Variants in ZFPM1 observed in about 807,000 individuals in gnomAD.
ZFPM1 encodes the protein zinc finger protein, FOG family member 1.
In ZFPM1, 28 loss-of-function variants were observed where a neutral mutation model predicts 46.3. That is an observed-to-expected ratio of 0.60 (90% CI 0.45 to 0.83). The LOEUF (loss-of-function observed/expected upper bound fraction) is 0.83. ZFPM1 is among the 40% of genes least tolerant of loss of function. The pLI is 0.00. For synonymous variants in ZFPM1, 957 were observed against 675.9 expected (o/e 1.42, Z -6.45); for missense variants, 1,878 against 1,432.4 (o/e 1.31, Z -5.02).
At chr16:88,526,749 C>G in intron 4 of ZFPM1, 65 bp from the exon 5 acceptor site, 1 of 1,512,762 alleles carries the variant, frequency 6.6e-7, no homozygotes, top group Non-Finnish European at 8.9e-7. Context: ...CCCACATACT[C>G]ACGGGAACCC....
chr16:88,470,168 C>T (rs1908349583), intron 1 of ZFPM1, among the ~76,000 whole-genome samples: 1 of 152,188 alleles, frequency 6.6e-6, no homozygotes, highest in South Asian at 2.1e-4. Flanking sequence ...GTAGGAGCAT[C>T]GCCTGTGGAG....
At chr16:88,523,136 G>A (rs1334247002) in intron 4 of ZFPM1, among the ~76,000 whole-genome samples, 1 of 151,576 alleles carries the variant, frequency 6.6e-6, no homozygotes, top group Non-Finnish European at 1.5e-5. Context: ...AACCCCGGAG[G>A]TGGAGGTTGC....
chr16:88,476,794 C>A (rs1256844148), intron 1 of ZFPM1, among the ~76,000 whole-genome samples: 1 of 152,152 alleles, frequency 6.6e-6, no homozygotes, highest in Non-Finnish European at 1.5e-5. Flanking sequence ...TGGGGGCCAA[C>A]CTGAGCCAGG....
At chr16:88,477,234 TG>T (rs1362832575) in intron 1 of ZFPM1, among the ~76,000 whole-genome samples, 4 of 152,352 alleles carry the variant, frequency 2.6e-5, no homozygotes, top group African/African-American at 9.6e-5. Context: ...GCTGGGCGTG[TG>T]GGCTTTGGCC....
chr16:88,518,539 G>GTGGATGGA (rs1158277646), intron 4 of ZFPM1, among the ~76,000 whole-genome samples: 1 of 149,196 alleles, frequency 6.7e-6, no homozygotes, highest in East Asian at 2.0e-4. Flanking sequence ...AGATGGATGA[G>GTGGATGGA]TGGATGGATG....
At chr16:88,491,111 C>G (rs1361460072) in intron 3 of ZFPM1, among the ~76,000 whole-genome samples, 1 of 150,484 alleles carries the variant, frequency 6.6e-6, no homozygotes, top group Non-Finnish European at 1.5e-5. Context: ...TTCGGGGGTC[C>G]CAGTCAGGTG....
chr16:88,489,924 T>G (rs1413939802), intron 3 of ZFPM1, among the ~76,000 whole-genome samples: 1 of 118,356 alleles, frequency 8.4e-6, no homozygotes, highest in Admixed American at 8.3e-5. Flanking sequence ...TCATGGGAGC[T>G]GGTGGGTGAG....
chr16:88,503,196 G>A (rs1196364698), intron 3 of ZFPM1, among the ~76,000 whole-genome samples: 3 of 152,044 alleles, frequency 2.0e-5, no homozygotes, highest in Non-Finnish European at 2.9e-5. Context: ...GGGGGGCCAC[G>A]GTTCCTGAGT....
At chr16:88,500,321 G>T (rs879897722) in intron 3 of ZFPM1, among the ~76,000 whole-genome samples, 4 of 152,242 alleles carry the variant, frequency 2.6e-5, no homozygotes, top group Non-Finnish European at 5.9e-5. Context: ...CCCATGAGCT[G>T]GTGGCCTCGT....
rs140194134 is a variant in ZFPM1, at chr16:88,497,516, G to T, written c.268+8363G>T. ...TGGGGTTCAGAGGGGTCAGGGTGGG[G>T]CTCAGGGCCCGGGCGGGGATGGGGT... On this transcript the variant is annotated intron_variant, in intron 3 of 9. Transcript: ENST00000319555. The surrounding 1 kb of genome is among the most constrained non-coding windows in gnomAD (Gnocchi z 5.4). Among the ~76,000 whole-genome samples the T allele has an allele frequency of 0.065, 6,688 of 103,454 alleles. 206 individuals are homozygous for T. Among genetic ancestry groups the T allele is most frequent in the Middle Eastern group, 0.14 (31 of 220 alleles). The allele number at this position is 103,454 out of a possible 152,430, so 67.9% of individuals were successfully genotyped here. A position where few individuals can be genotyped will look rare whatever the true frequency, so the allele number is the denominator to read the frequency against.
At position 88,460,933 on chromosome 16, in the gene ZFPM1, G is replaced by A. The variant is rs148356129; in HGVS notation, c.40+7255G>A. On this transcript the variant is annotated intron_variant, in intron 1 of 9. Coordinates refer to ENST00000319555, the MANE Select transcript of ZFPM1 (RefSeq NM_153813.3). ...TGAGGACCGAGGGGCGGGGCGGGAG[G>A]CCTGGTGATGACCGAGGGGCGGGGC... 6.8e-3 allele frequency among the ~76,000 whole-genome samples: 750 copies of A among 109,844 alleles called. 73 individuals are homozygous for A. The highest frequency in any genetic ancestry group is 0.026 in the African/African-American group (666 of 25,362). 72.1% of individuals were successfully genotyped at this position (109,844 alleles called of 152,430 possible). A position where few individuals can be genotyped will look rare whatever the true frequency, so the allele number is the denominator to read the frequency against.
chr16:88,528,026 C>T lies in ZFPM1; in HGVS notation c.506-6C>T, dbSNP rs1303057249. On this transcript the variant is annotated splice_polypyrimidine_tract_variant and splice_region_variant and intron_variant, in intron 5 of 9. Transcript: ENST00000319555. ...GTCCTAGGTTTGGACACCTGTCTCC[C>T]TCCAGATGACGCACTCTGGTGCAGG... The T allele has an allele frequency of 1.3e-6, 2 of 1,535,476 alleles. No individual in the cohort carries two copies. Among genetic ancestry groups the T allele is most frequent in the African/African-American group, 2.7e-5 (2 of 72,818 alleles).
At chr16:88,466,653 C>T (rs1007279721) in intron 1 of ZFPM1, among the ~76,000 whole-genome samples, 24 of 152,184 alleles carry the variant, frequency 1.6e-4, no homozygotes, top group African/African-American at 4.8e-4. Flanking sequence ...TTCATCTGTC[C>T]CCAGAAAATA....
chr16:88,534,901 C>G lies in ZFPM1; in HGVS notation c.2943C>G (p.Ile981Met). Residue 981 changes from isoleucine to methionine, a missense_variant, in exon 10 of 10, where the codon ATC becomes ATG. Physicochemically the swap from Ile to Met is conservative, Grantham distance 10 (BLOSUM62 1). Coordinates refer to ENST00000319555, the MANE Select transcript of ZFPM1 (RefSeq NM_153813.3). ...ACCGGTACTGCCGTCTTTGCAACAT[C>G]AAGTTCAGCAGCCTGTCCACCTTCA... is the stretch of plus-strand genomic sequence containing the variant. Reference protein sequence around the residue: ...GNHRYCRLCNIKFSSLSTFIA... With the variant: ...GNHRYCRLCNMKFSSLSTFIA... The G allele has an allele frequency of 2.6e-6, 4 of 1,565,318 alleles. No homozygotes were observed. The highest frequency in any genetic ancestry group is 3.4e-6 in the Non-Finnish European group (4 of 1,159,516).
intron 3 of ZFPM1, among the ~76,000 whole-genome samples, chr16:88,503,265 G>GGGA (rs1172284910): frequency 6.7e-6 from 1 of 148,290 alleles, no homozygotes; most frequent in African/African-American, 2.5e-5. Flanking sequence ...TCTGTGTCTG[G>GGGA]GGGGCCCACG....
rs1567560272 is a variant in ZFPM1 at position 88,535,557 on chromosome 16, CA to C, written c.*579del. The C allele has an allele frequency of 6.6e-6, 1 of 152,526 alleles. No individual in the cohort carries two copies. Among genetic ancestry groups the C allele is most frequent in the Non-Finnish European group, 1.5e-5 (1 of 68,218 alleles). The allele number at this position is 152,526 out of a possible 1,614,324, so 9.4% of individuals were successfully genotyped here. ...TCCAGTCACAGACCACCAGGGATGG[CA>C]GGGGTGGGGGCGCCCTGGGGAGGAT... On this transcript the variant is annotated 3_prime_UTR_variant, in exon 10 of 10. Transcript: ENST00000319555.
At chr16:88,520,555 T>TGGATGGATGGACGGATGGGG (rs1555527774) in intron 4 of ZFPM1, among the ~76,000 whole-genome samples, 87 of 120,998 alleles carry the variant, frequency 7.2e-4, no homozygotes, top group African/African-American at 2.6e-3. Flanking sequence ...AAAGGATGGA[T>TGGATGGATGGACGGATGGGG]GGATGGATGG....
At chr16:88,486,500 CGCTGGGTGCAAGTGGGT>C (rs1909231237) in intron 2 of ZFPM1, among the ~76,000 whole-genome samples, 1 of 143,396 alleles carries the variant, frequency 7.0e-6, no homozygotes, top group South Asian at 2.3e-4. Context: ...AGTGGATGAC[CGCTGGGTGCAAGTGGGT>C]GCTGGGTGCA....
At chr16:88,518,359 G>A (rs983413228) in intron 4 of ZFPM1, among the ~76,000 whole-genome samples, 1 of 151,632 alleles carries the variant, frequency 6.6e-6, no homozygotes, top group African/African-American at 2.4e-5. Context: ...ATAGATGGAT[G>A]GATGAATGAA....
Sources: allele counts gnomAD v4.1 joint callset (sites outside exome capture counted in the v4.1 genomes callset), GRCh38; gene constraint gnomAD v4.1.1; non-coding constraint Gnocchi (gnomAD v3.1); transcripts MANE v1.5; gene names NCBI Gene and HGNC (gene_info 2026-07-23, HGNC 2026-07-21).